CSMD1: variants seen among roughly 807,000 people sequenced by gnomAD.
CSMD1 encodes the protein CUB and Sushi multiple domains 1, also known as CUB and sushi domain-containing protein 1.
CSMD1 carries 213 observed loss-of-function variants against 417.5 expected under a neutral mutation model. The observed-to-expected ratio is 0.51, with a 90% CI of 0.46 to 0.57. The LOEUF is 0.57. CSMD1 is among the 20% of genes least tolerant of loss of function. The pLI is 0.00. For missense variants in CSMD1, 6,923 were observed against 4,529.7 expected, an observed-to-expected ratio of 1.53 and a Z score of -15.17; for synonymous variants, 2,862 against 1,736.8, an observed-to-expected ratio of 1.65 and a Z score of -16.11.
intron 26 of CSMD1, among the ~76,000 whole-genome samples, chr8:3,238,646 A>G (rs57076031): frequency 0.26 from 40,076 of 151,902 alleles, 5,381 homozygotes; most frequent in Admixed American, 0.3. Flanking sequence ...AGAATTATTG[A>G]TGATGGCCTG....
chr8:3,739,166 G>A (rs1188885125), intron 6 of CSMD1, among the ~76,000 whole-genome samples: 13 of 152,158 alleles, frequency 8.5e-5, no homozygotes, highest in Non-Finnish European at 1.9e-4. Context: ...TGCAGTTAAA[G>A]TATCTGATGC....
intron 3 of CSMD1, among the ~76,000 whole-genome samples, chr8:4,061,679 A>G (rs1798980514): frequency 1.3e-5 from 2 of 152,136 alleles, no homozygotes; most frequent in African/African-American, 4.8e-5. Context: ...ATGGTGTGAA[A>G]TATCTTTTAT....
At chr8:3,995,200 TTA>T (rs1428496536) in intron 5 of CSMD1, among the ~76,000 whole-genome samples, 6 of 152,238 alleles carry the variant, frequency 3.9e-5, no homozygotes, top group African/African-American at 1.4e-4. Flanking sequence ...TTATTCTGTT[TTA>T]TGTTTTAAAT....
chr8:3,872,432 C>G (rs139299742), intron 5 of CSMD1, among the ~76,000 whole-genome samples: 1 of 152,134 alleles, frequency 6.6e-6, no homozygotes, highest in South Asian at 2.1e-4. Flanking sequence ...AGTTAAAACG[C>G]ATTATCCGAA....
In CSMD1 at chr8:3,230,359, C is replaced by T. The variant is rs150882868; in HGVS notation, c.4154-128G>A. 4.9e-3 allele frequency: 2,885 copies of T among 587,540 alleles called. 10 individuals are homozygous for T. Among genetic ancestry groups the T allele is most frequent in the Middle Eastern group, 0.013 (26 of 2,028 alleles). 36.4% of individuals were successfully genotyped at this position (587,540 alleles called of 1,614,324 possible). A position where few individuals can be genotyped will look rare whatever the true frequency, so the allele number is the denominator to read the frequency against. ...AATAAGTCATTTGTCTACACATGAACATACGAAAATAGTTTCTTTTCCCAG... is the reference window on the plus strand; with the variant it reads ...AATAAGTCATTTGTCTACACATGAATATACGAAAATAGTTTCTTTTCCCAG... On this transcript the variant is annotated intron_variant, in intron 26 of 69. Transcript: ENST00000635120.
intron 7 of CSMD1, among the ~76,000 whole-genome samples, chr8:3,643,546 C>G (rs1797414726): frequency 6.6e-6 from 1 of 151,774 alleles, no homozygotes; most frequent in Non-Finnish European, 1.5e-5. Flanking sequence ...ACTAAAAATA[C>G]AAAAATTGGC....
chr8:4,463,528 A>C (rs1799968169), intron 2 of CSMD1, among the ~76,000 whole-genome samples: 1 of 152,186 alleles, frequency 6.6e-6, no homozygotes, highest in Non-Finnish European at 1.5e-5. Context: ...TCAACCGATG[A>C]AAAAACATGG....
intron 2 of CSMD1, among the ~76,000 whole-genome samples, chr8:4,559,345 C>T (rs923243175): frequency 2.0e-5 from 3 of 151,974 alleles, no homozygotes; most frequent in African/African-American, 4.8e-5. Context: ...TTTCTGTTTC[C>T]ACTCTCTGGT....
intron 1 of CSMD1, chr8:4,787,840 G>C (rs895017374): frequency 3.8e-6 from 6 of 1,570,532 alleles, no homozygotes; most frequent in African/African-American, 1.3e-5. Flanking sequence ...TGAAATGCTG[G>C]AGAAATCCTG....
chr8:3,413,911 G>C (rs372002910), intron 12 of CSMD1, among the ~76,000 whole-genome samples: 1 of 151,816 alleles, frequency 6.6e-6, no homozygotes, highest in Non-Finnish European at 1.5e-5. Flanking sequence ...GGCCGAGGTG[G>C]GATGATCACT....
chr8:4,415,320 C>G (rs1435680637), intron 3 of CSMD1, among the ~76,000 whole-genome samples: 2 of 152,174 alleles, frequency 1.3e-5, no homozygotes, highest in Non-Finnish European at 2.9e-5. Context: ...ATCTGTTTTT[C>G]TCTATGCTTC....
At chr8:4,725,523 A>C (rs1368738674) in intron 1 of CSMD1, among the ~76,000 whole-genome samples, 1 of 152,138 alleles carries the variant, frequency 6.6e-6, no homozygotes, top group Non-Finnish European at 1.5e-5. Context: ...AGAGATTTCC[A>C]TTTTGCGAAC....
intron 3 of CSMD1, among the ~76,000 whole-genome samples, chr8:4,061,626 A>T (rs1362489362): frequency 1.3e-5 from 2 of 152,200 alleles, no homozygotes; most frequent in Non-Finnish European, 2.9e-5. Flanking sequence ...TACCAGACAG[A>T]TTCTGCAAGG....
chr8:4,126,505 CAGG>C (rs1376706341), intron 3 of CSMD1, among the ~76,000 whole-genome samples: 2 of 152,196 alleles, frequency 1.3e-5, no homozygotes, highest in Non-Finnish European at 2.9e-5. Context: ...ACACTGGAAG[CAGG>C]AGGTCTCCCA....
At chr8:4,340,328 G>C (rs912546080) in intron 3 of CSMD1, among the ~76,000 whole-genome samples, 5 of 151,946 alleles carry the variant, frequency 3.3e-5, no homozygotes, top group African/African-American at 1.2e-4. Context: ...CCTTACATTG[G>C]CTGGGATGAG....
intron 5 of CSMD1, among the ~76,000 whole-genome samples, chr8:3,796,851 C>A (rs947118059): frequency 1.4e-4 from 21 of 151,514 alleles, no homozygotes; most frequent in African/African-American, 4.8e-4. Context: ...CAATTGTCAA[C>A]ATTTCATTCT....
At chr8:4,319,951 T>C (rs185156842) in intron 3 of CSMD1, among the ~76,000 whole-genome samples, 30 of 152,262 alleles carry the variant, frequency 2.0e-4, no homozygotes, top group African/African-American at 7.2e-4. Context: ...ACAAGGCCAA[T>C]GTTTGGATTT....
At chr8:3,504,327 CGA>C (rs1239472260) in intron 10 of CSMD1, among the ~76,000 whole-genome samples, 3 of 152,112 alleles carry the variant, frequency 2.0e-5, no homozygotes, top group Non-Finnish European at 4.4e-5. Flanking sequence ...GCTTACTCAA[CGA>C]GAGTCTTGAA....
Position 4,312,435 on chromosome 8 carries a change from ATG to A in CSMD1, c.415+107516_415+107517del, listed in dbSNP as rs1491164115. Among the ~76,000 whole-genome samples, 20 of 133,616 alleles carry A rather than the reference ATG, an allele frequency of 1.5e-4. 2 individuals are homozygous for A. The highest frequency in any genetic ancestry group is 6.6e-4 in the African/African-American group (18 of 27,330). The allele number at this position is 133,616 out of a possible 152,430, so 87.7% of individuals were successfully genotyped here. ...TGTATATATATGCGCGTATATATAT[ATG>A]CGTATATATATACGTATATATATGC... On this transcript the variant is annotated intron_variant, in intron 3 of 69. Transcript: ENST00000635120.
Sources: allele counts gnomAD v4.1 joint callset (sites outside exome capture counted in the v4.1 genomes callset), GRCh38; gene constraint gnomAD v4.1.1; transcripts MANE v1.5; gene names NCBI Gene and HGNC (gene_info 2026-07-23, HGNC 2026-07-21).